EML6: variants seen among roughly 807,000 people sequenced by gnomAD.
EML6 encodes the protein echinoderm microtubule-associated protein-like 6.
In EML6, 154 loss-of-function variants were observed where a neutral mutation model predicts 240.1. That is an observed-to-expected ratio of 0.64 (90% CI 0.56 to 0.73). EML6 has a LOEUF of 0.73. Among genes scored for constraint, EML6 ranks in the 30% least tolerant of loss-of-function variants. The probability of loss-of-function intolerance (pLI) is 0.00; values close to 1 mark genes in which losing one functional copy is unlikely to be tolerated. For synonymous variants in EML6, 1,148 were observed against 899.0 expected (o/e 1.28, Z -4.95); for missense variants, 2,964 against 2,474.6 (o/e 1.20, Z -4.20).
Position 54,812,949 on chromosome 2 carries a change from A to T in EML6, c.198-283A>T, listed in dbSNP as rs140041456. Among the ~76,000 whole-genome samples the T allele has an allele frequency of 2.2e-4, 33 of 152,334 alleles. No individual in the cohort carries two copies. The South Asian group carries it at 2.5e-3, about 11-fold the overall frequency. On this transcript the variant is annotated intron_variant, in intron 2 of 41. Transcript: ENST00000356458. ...CACAACATAAAGCAATTATAAAACTATACAGACGATTTTAAATTGAATAAT... is the reference window on the plus strand; with the variant it reads ...CACAACATAAAGCAATTATAAAACTTTACAGACGATTTTAAATTGAATAAT...
chr2:54,907,875 A>G (rs1673401504), intron 24 of EML6, among the ~76,000 whole-genome samples: 1 of 150,654 alleles, frequency 6.6e-6, no homozygotes, highest in Non-Finnish European at 1.5e-5. Flanking sequence ...GTGGTGAGAC[A>G]GATAGATTAG....
At chr2:54,795,516 G>A (rs1442452447) in intron 2 of EML6, among the ~76,000 whole-genome samples, 3 of 152,154 alleles carry the variant, frequency 2.0e-5, no homozygotes, top group African/African-American at 4.8e-5. Context: ...TGTGGGGGAG[G>A]AAAAGGGAAG....
intron 2 of EML6, among the ~76,000 whole-genome samples, chr2:54,736,345 G>C (rs185646947): frequency 6.6e-6 from 1 of 152,186 alleles, no homozygotes; most frequent in Non-Finnish European, 1.5e-5. Context: ...AGAAGAGGGA[G>C]CGTGGCATTG....
chr2:54,843,736 G>C (rs1009972606), intron 7 of EML6, among the ~76,000 whole-genome samples: 1 of 151,744 alleles, frequency 6.6e-6, no homozygotes, highest in East Asian at 1.9e-4. Flanking sequence ...CCAGCTACTT[G>C]GGAGGCTGAG....
At chr2:54,967,701 G>A (rs1454535504) in intron 39 of EML6, among the ~76,000 whole-genome samples, 2 of 152,148 alleles carry the variant, frequency 1.3e-5, no homozygotes, top group Non-Finnish European at 2.9e-5. Flanking sequence ...TGCCAGGAGA[G>A]CCACATGGCT....
At chr2:54,831,454 T>C (rs1668864992) in intron 7 of EML6, among the ~76,000 whole-genome samples, 1 of 152,094 alleles carries the variant, frequency 6.6e-6, no homozygotes, top group Non-Finnish European at 1.5e-5. Flanking sequence ...GGTGTGGTAC[T>C]GATCACATCA....
rs907122466 is a variant in EML6, at chr2:54,928,060, C to T, written c.3676-253C>T. On this transcript the variant is annotated intron_variant, in intron 26 of 41. Coordinates refer to ENST00000356458, the MANE Select transcript of EML6 (RefSeq NM_001039753.4). ...AGCTTTTTATATGTCTATAGATTCC[C>T]AGAAAATAGGTTCTGTAGTCTAACA... 3.3e-5 allele frequency among the ~76,000 whole-genome samples: 5 copies of T among 152,176 alleles called. No homozygotes were observed. The South Asian group carries it at 1.0e-3, about 31-fold the overall frequency.
chr2:54,822,672 G>T (rs1668387229), intron 5 of EML6, among the ~76,000 whole-genome samples: 1 of 152,038 alleles, frequency 6.6e-6, no homozygotes, highest in African/African-American at 2.4e-5. Flanking sequence ...GATTAGATTT[G>T]TGGCTTTTTT....
At chr2:54,747,842 T>G (rs1683986055) in intron 2 of EML6, among the ~76,000 whole-genome samples, 1 of 151,962 alleles carries the variant, frequency 6.6e-6, no homozygotes, top group Admixed American at 6.5e-5. Flanking sequence ...TTGTTTCTAC[T>G]AGTATACTCA....
intron 2 of EML6, among the ~76,000 whole-genome samples, chr2:54,760,822 ATTTTTTTTTTT>A (rs200476039): frequency 3.5e-4 from 42 of 120,406 alleles, no homozygotes; most frequent in African/African-American, 1.1e-3. Flanking sequence ...TTGAGGGAGC[ATTTTTTTTTTT>A]TTTTTTTTTT....
intron 16 of EML6, among the ~76,000 whole-genome samples, chr2:54,874,327 G>C (rs115534282): frequency 0.017 from 2,652 of 152,256 alleles, 75 homozygotes; most frequent in African/African-American, 0.059. Context: ...TCAGTGCCTG[G>C]GTAGAGAAAT....
chr2:54,865,492 G>A (rs1012766777), intron 13 of EML6, among the ~76,000 whole-genome samples: 2 of 152,038 alleles, frequency 1.3e-5, no homozygotes, highest in East Asian at 3.8e-4. Flanking sequence ...GAATGAAAAG[G>A]TAGACTTAAA....
chr2:54,861,501 G>A (rs544953823), intron 12 of EML6, among the ~76,000 whole-genome samples: 4 of 152,204 alleles, frequency 2.6e-5, no homozygotes, highest in South Asian at 4.1e-4. Context: ...ACTGTGCTCA[G>A]CTTCACTGTG....
intron 22 of EML6, among the ~76,000 whole-genome samples, chr2:54,900,430 G>A (rs909317499): frequency 1.3e-5 from 2 of 152,208 alleles, no homozygotes; most frequent in African/African-American, 4.8e-5. Flanking sequence ...AAGGGATGGG[G>A]AAGGTATGAG....
intron 3 of EML6, among the ~76,000 whole-genome samples, chr2:54,815,281 C>T (rs898967277): frequency 6.6e-6 from 1 of 152,090 alleles, no homozygotes; most frequent in Non-Finnish European, 1.5e-5. Context: ...GAGAAATAAC[C>T]TCTTGTATGT....
chr2:54,729,402 C>G (rs1029815877), intron 2 of EML6, among the ~76,000 whole-genome samples: 3 of 152,212 alleles, frequency 2.0e-5, no homozygotes, highest in Non-Finnish European at 4.4e-5. Context: ...GTATATAAGA[C>G]TCTTGAGGCT....
chr2:54,892,095 G>A (rs965590301), intron 18 of EML6, among the ~76,000 whole-genome samples: 31 of 152,138 alleles, frequency 2.0e-4, no homozygotes, highest in African/African-American at 7.2e-4. Context: ...CTTTCTCTTG[G>A]CTGACACAGA....
intron 41 of EML6, among the ~76,000 whole-genome samples, chr2:54,969,853 G>C (rs1676913878): frequency 1.3e-5 from 2 of 152,160 alleles, no homozygotes; most frequent in African/African-American, 4.8e-5. Flanking sequence ...TCAAACTGCT[G>C]AAAGAACCAA....
At chr2:54,953,788 G>C (rs368697076) in intron 31 of EML6, among the ~76,000 whole-genome samples, 195 bp from the exon 32 acceptor site, 38 of 151,948 alleles carry the variant, frequency 2.5e-4, no homozygotes, top group African/African-American at 8.9e-4. Context: ...TCGGGAGGCT[G>C]AGGCACGAGG....
Sources: allele counts gnomAD v4.1 joint callset (sites outside exome capture counted in the v4.1 genomes callset), GRCh38; gene constraint gnomAD v4.1.1; transcripts MANE v1.5; gene names NCBI Gene and HGNC (gene_info 2026-07-23, HGNC 2026-07-21).